Variants in GRM1 observed in about 807,000 individuals in gnomAD.
GRM1 encodes the protein glutamate metabotropic receptor 1, also known as metabotropic glutamate receptor 1.
Under a neutral mutation model 90.9 loss-of-function variants are expected in GRM1, and 33 were observed. The observed-to-expected ratio is 0.36, with a 90% CI of 0.28 to 0.49. The LOEUF (loss-of-function observed/expected upper bound fraction) is 0.49. GRM1 is among the 20% of genes least tolerant of loss of function. GRM1 has a pLI of 0.99. For missense variants in GRM1, 1,190 were observed against 1,534.3 expected (o/e 0.78, Z 3.75); for synonymous variants, 700 against 613.2 (o/e 1.14, Z -2.09).
intron 1 of GRM1, among the ~76,000 whole-genome samples, chr6:146,069,066 G>A (rs991490585): frequency 1.3e-5 from 2 of 152,156 alleles, no homozygotes; most frequent in Admixed American, 6.5e-5. Context: ...ATCTTTTGAT[G>A]TCAGTGGTCC....
chr6:146,420,693 G>A (rs1246422528), intron 7 of GRM1, among the ~76,000 whole-genome samples: 2 of 152,114 alleles, frequency 1.3e-5, no homozygotes, highest in African/African-American at 4.8e-5. Context: ...ATACACTATT[G>A]GAGAATGTTA....
intron 1 of GRM1, among the ~76,000 whole-genome samples, chr6:146,112,868 A>C (rs1334698844): frequency 6.6e-6 from 1 of 152,268 alleles, no homozygotes; most frequent in Non-Finnish European, 1.5e-5. Context: ...TAATAGGTGC[A>C]CTAGCTTGAG....
At chr6:146,134,895 G>T (rs572896792) in intron 1 of GRM1, among the ~76,000 whole-genome samples, 23 of 151,944 alleles carry the variant, frequency 1.5e-4, no homozygotes, top group Non-Finnish European at 2.9e-4. Flanking sequence ...GGCACCACTG[G>T]ACTCCAGTCT....
chr6:146,391,248 A>G (rs1244097086), intron 6 of GRM1, among the ~76,000 whole-genome samples: 1 of 152,090 alleles, frequency 6.6e-6, no homozygotes. Context: ...ATTTGATTCA[A>G]AAATTAGAAG....
intron 2 of GRM1, among the ~76,000 whole-genome samples, chr6:146,225,034 G>A (rs1780192258): frequency 6.6e-6 from 1 of 151,988 alleles, no homozygotes; most frequent in Admixed American, 6.6e-5. Context: ...CTGAGCATCT[G>A]GATACTCTTC....
intron 2 of GRM1, among the ~76,000 whole-genome samples, chr6:146,278,640 C>T (rs940056145): frequency 7.9e-5 from 12 of 151,980 alleles, no homozygotes; most frequent in African/African-American, 2.2e-4. Flanking sequence ...AAAAATTAGC[C>T]GGGTGTGGTG....
In GRM1 at chr6:146,352,385, C is replaced by A. The variant is rs41285859; in HGVS notation, c.1322C>A (p.Ala441Asp). 11 of 1,614,136 alleles carry A rather than the reference C, an allele frequency of 6.8e-6. No homozygotes were observed. The highest frequency in any genetic ancestry group is 2.7e-5 in the African/African-American group (2 of 75,070). ...LCPGHVGLCD[A>D]MKPIDGSKLL... ...CCTGGCCACGTGGGCCTCTGCGATGCCATGAAGCCCATCGACGGCAGCAAG... is the reference window on the plus strand; with the variant it reads ...CCTGGCCACGTGGGCCTCTGCGATGACATGAAGCCCATCGACGGCAGCAAG... Residue 441 changes from alanine (A) to aspartate (D), a missense_variant, in exon 4 of 8, where the codon GCC (alanine) becomes GAC (aspartate). Around this residue, in one of 10 missense-constraint regions of GRM1, gnomAD observed 414 missense variants for 598.4 expected, o/e 0.69. Coordinates refer to ENST00000282753, the MANE Select transcript of GRM1 (RefSeq NM_001278064.2).
intron 2 of GRM1, among the ~76,000 whole-genome samples, chr6:146,174,822 T>C (rs1038943381): frequency 6.6e-6 from 1 of 152,202 alleles, no homozygotes; most frequent in Admixed American, 6.5e-5. Flanking sequence ...TCTCATTATC[T>C]CAAGGCTCAA....
At chr6:146,094,334 C>A (rs1446263157) in intron 1 of GRM1, among the ~76,000 whole-genome samples, 1 of 152,020 alleles carries the variant, frequency 6.6e-6, no homozygotes, top group Non-Finnish European at 1.5e-5. Context: ...TTATAAGCAA[C>A]CAGTAGTCCT....
intron 1 of GRM1, among the ~76,000 whole-genome samples, chr6:146,042,571 G>A (rs1791155288): frequency 6.6e-6 from 1 of 151,934 alleles, no homozygotes; most frequent in Non-Finnish European, 1.5e-5. Flanking sequence ...GGAAAGAGGA[G>A]AAAAGAGTAT....
chr6:146,388,887 C>A (rs989646044), intron 6 of GRM1, among the ~76,000 whole-genome samples: 1 of 152,004 alleles, frequency 6.6e-6, no homozygotes, highest in Non-Finnish European at 1.5e-5. Flanking sequence ...CCAGGGTCAT[C>A]GAGGTCAATG....
intron 5 of GRM1, among the ~76,000 whole-genome samples, chr6:146,384,782 A>T (rs2115136653): frequency 6.6e-6 from 1 of 152,248 alleles, no homozygotes; most frequent in African/African-American, 2.4e-5. Context: ...AAATATAAAA[A>T]GAAGAAAAAT....
intron 5 of GRM1, among the ~76,000 whole-genome samples, chr6:146,380,534 A>G (rs183737022): frequency 4.7e-4 from 71 of 152,228 alleles, no homozygotes; most frequent in Middle Eastern, 3.4e-3. Flanking sequence ...CATACCCTTC[A>G]GGGCAGTGGG....
rs1031612554 is a variant in GRM1 at position 146,352,363 on chromosome 6, G to A, written c.1300G>A (p.Gly434Ser). ...GAACATGCACCATGCCCTCTGCCCT[G>A]GCCACGTGGGCCTCTGCGATGCCAT... ...LQNMHHALCP[G>S]HVGLCDAMKP... is the part of the protein sequence containing the mutation. Residue 434 changes from glycine (G) to serine (S), a missense_variant, in exon 4 of 8, where the codon GGC (glycine) becomes AGC (serine). By Grantham distance (56) the Gly-to-Ser change is moderately conservative (BLOSUM62 0). Around this residue, in one of 10 missense-constraint regions of GRM1, gnomAD observed 414 missense variants for 598.4 expected, o/e 0.69. Transcript: ENST00000282753. 2 of 1,614,026 alleles carry A rather than the reference G, an allele frequency of 1.2e-6. No homozygotes were observed. The highest frequency in any genetic ancestry group is 1.1e-5 in the South Asian group (1 of 91,086).
At chr6:146,031,145 A>G (rs1179983388) in intron 1 of GRM1, among the ~76,000 whole-genome samples, 1 of 152,078 alleles carries the variant, frequency 6.6e-6, no homozygotes, top group African/African-American at 2.4e-5. Flanking sequence ...TTATATAAAG[A>G]TTTTCTAGAC....
At chr6:146,097,433 T>TA (rs1776908644) in intron 1 of GRM1, among the ~76,000 whole-genome samples, 1 of 152,138 alleles carries the variant, frequency 6.6e-6, no homozygotes, top group African/African-American at 2.4e-5. Context: ...GTACCTAAAA[T>TA]AACAAGTAAG....
At position 146,304,742 on chromosome 6, in the gene GRM1, C is replaced by T; in HGVS notation, c.1082C>T (p.Thr361Ile). Reference sequence around the variant, plus strand: ...TATTTCCTGAAACTGAGGCTGGACACTAACACGAGGAATCCCTGGTTCCCT... The same window carrying T: ...TATTTCCTGAAACTGAGGCTGGACATTAACACGAGGAATCCCTGGTTCCCT... The part of the protein sequence containing the change: ...DDYFLKLRLD[T>I]NTRNPWFPEF... The change falls in exon 3 of 8, where the codon ACT (threonine) becomes ATT (isoleucine). Residue 361 changes from threonine (T) to isoleucine (I), a missense_variant. Thr to Ile is a moderately conservative substitution (Grantham distance 89). Coordinates refer to ENST00000282753, the MANE Select transcript of GRM1 (RefSeq NM_001278064.2). The T allele has an allele frequency of 1.2e-6, 2 of 1,613,986 alleles. No individual in the cohort carries two copies. Among genetic ancestry groups the T allele is most frequent in the Middle Eastern group, 1.6e-4 (1 of 6,062 alleles).
At chr6:146,265,966 G>A (rs565089720) in intron 2 of GRM1, among the ~76,000 whole-genome samples, 12 of 152,260 alleles carry the variant, frequency 7.9e-5, no homozygotes, top group African/African-American at 1.4e-4. Flanking sequence ...CGAGGTGGGC[G>A]GATCACAAGG....
intron 1 of GRM1, among the ~76,000 whole-genome samples, chr6:146,157,336 A>G (rs529372798): frequency 2.5e-4 from 38 of 152,236 alleles, no homozygotes; most frequent in Non-Finnish European, 5.0e-4. Flanking sequence ...ATCACAAGAT[A>G]TGGAAACAGG....
Sources: allele counts gnomAD v4.1 joint callset (sites outside exome capture counted in the v4.1 genomes callset), GRCh38; gene constraint gnomAD v4.1.1; regional missense constraint gnomAD v4.1.1; transcripts MANE v1.5; gene names NCBI Gene and HGNC (gene_info 2026-07-23, HGNC 2026-07-21).